ACOX1: variants seen among roughly 807,000 people sequenced by gnomAD.
ACOX1 encodes the protein acyl-CoA oxidase 1, also known as peroxisomal acyl-coenzyme A oxidase 1.
ACOX1 carries 41 observed loss-of-function variants against 75.5 expected under a neutral mutation model. The observed-to-expected ratio is 0.54, with a 90% CI of 0.42 to 0.70. ACOX1 has a LOEUF of 0.70. Ranked by LOEUF, ACOX1 falls within the 30% of genes least tolerant of loss-of-function variation. The pLI is 0.00. For missense variants in ACOX1, 630 were observed against 837.5 expected, an observed-to-expected ratio of 0.75 and a Z score of 3.06; for synonymous variants, 303 against 298.8, an observed-to-expected ratio of 1.01 and a Z score of -0.15.
intron 2 of ACOX1, among the ~76,000 whole-genome samples, chr17:75,976,597 G>A (rs2066052421): frequency 2.6e-5 from 4 of 152,196 alleles, no homozygotes; most frequent in South Asian, 2.1e-4. Flanking sequence ...CCATTTGGAA[G>A]TATGCTGATT....
rs948553670 is a variant in ACOX1, at chr17:75,968,630, A to G, written c.270-8255T>C. ...GAAAAAAAAAAAAAAAAAAAGAAATATATTAAAGTAGGCCATGTGCAGTGG... is the reference window on the plus strand; with the variant it reads ...GAAAAAAAAAAAAAAAAAAAGAAATGTATTAAAGTAGGCCATGTGCAGTGG... On this transcript the variant is annotated intron_variant, in intron 2 of 13. Transcript: ENST00000293217. Among the ~76,000 whole-genome samples, 4 of 142,806 alleles carry G rather than the reference A, an allele frequency of 2.8e-5. No individual in the cohort carries two copies. In the South Asian group the frequency reaches 8.8e-4, roughly 31 times the overall value. 93.7% of individuals were successfully genotyped at this position (142,806 alleles called of 152,430 possible).
In ACOX1 at chr17:75,950,499, C is replaced by T. The variant is rs1456400641; in HGVS notation, c.1298+275G>A. Among the ~76,000 whole-genome samples the T allele has an allele frequency of 6.6e-6, 1 of 152,070 alleles. No individual in the cohort carries two copies. The highest frequency in any genetic ancestry group is 1.5e-5 in the Non-Finnish European group (1 of 68,030). ...ACTCCTTACCTCATGATCTGCCCAC[C>T]TCAGCTTCCCAAAGTGCTGGGATTA... On this transcript the variant is annotated intron_variant, in intron 9 of 13. Transcript: ENST00000293217. The surrounding 1 kb of genome is among the most constrained non-coding windows in gnomAD (Gnocchi z 4.3).
At chr17:75,969,801 C>G (rs897935454) in intron 2 of ACOX1, among the ~76,000 whole-genome samples, 1 of 151,692 alleles carries the variant, frequency 6.6e-6, no homozygotes, top group Non-Finnish European at 1.5e-5. Context: ...GATGGTAATA[C>G]GAAACAAGGC....
chr17:75,949,276 T>A lies in ACOX1; in HGVS notation c.1669A>T (p.Ser557Cys). ...QDKAIQAVLR[S>C]LCLLYSLYGI... ...TACAGAGAATACAGCAGACATAAAC[T>A]CCTTAAGACAGCTTGAATGGCTTTA... The change falls in exon 12 of 14, where the codon AGT (serine) becomes TGT (cysteine). Residue 557 changes from serine to cysteine, a missense_variant. Ser to Cys is a moderately radical substitution (Grantham distance 112). Around this residue, in one of 2 missense-constraint regions of ACOX1, gnomAD observed 240 missense variants for 262.7 expected, o/e 0.91. Coordinates refer to ENST00000293217, the MANE Select transcript of ACOX1 (RefSeq NM_004035.7). 6.2e-7 allele frequency: 1 copy of A among 1,614,202 alleles called. No individual in the cohort carries two copies.
At chr17:75,964,385 T>C (rs56380545) in intron 2 of ACOX1, among the ~76,000 whole-genome samples, 26,632 of 151,952 alleles carry the variant, frequency 0.18, 2,757 homozygotes, top group African/African-American at 0.3. Flanking sequence ...TTCATGCTTT[T>C]ATGGAAGGTT....
intron 7 of ACOX1, 149 bp downstream of exon 7, chr17:75,953,302 C>G: frequency 1.2e-6 from 1 of 810,150 alleles, no homozygotes; most frequent in Non-Finnish European, 2.0e-6. Context: ...GAAAAGGAAG[C>G]CTAGATATGA....
In ACOX1 at chr17:75,969,624, G is replaced by A. The variant is rs569661279; in HGVS notation, c.269+8910C>T. On this transcript the variant is annotated intron_variant, in intron 2 of 13. Coordinates refer to ENST00000293217, the MANE Select transcript of ACOX1 (RefSeq NM_004035.7). ...GTTAAGCCTAGGGAGAGAGGGCAAC[G>A]GAGTGCGGTAAAGACTGATGACTTA... 1.6e-4 allele frequency among the ~76,000 whole-genome samples: 24 copies of A among 152,244 alleles called. No individual in the cohort carries two copies. The South Asian group carries it at 2.3e-3, about 14-fold the overall frequency.
intron 4 of ACOX1, among the ~76,000 whole-genome samples, chr17:75,957,110 A>G (rs1452148034): frequency 6.9e-6 from 1 of 145,842 alleles, no homozygotes; most frequent in African/African-American, 2.6e-5. Context: ...TTTTGAGACA[A>G]AGTCTTGCTG....
intron 2 of ACOX1, among the ~76,000 whole-genome samples, chr17:75,972,112 G>T (rs1431263634): frequency 6.6e-6 from 1 of 152,056 alleles, no homozygotes; most frequent in African/African-American, 2.4e-5. Context: ...GGCAGATCAC[G>T]AGGTCAGGAG....
In ACOX1 at chr17:75,949,523, G is replaced by A. The variant is rs758791373; in HGVS notation, c.1556C>T (p.Thr519Ile). 1 of 1,614,108 alleles carries A rather than the reference G, an allele frequency of 6.2e-7. No homozygotes were observed. Among genetic ancestry groups the A allele is most frequent in the Non-Finnish European group, 8.5e-7 (1 of 1,180,044 alleles). Residue 519 changes from threonine to isoleucine, a missense_variant, in exon 11 of 14, where the codon ACT (threonine) becomes ATT (isoleucine). By Grantham distance (89) the Thr-to-Ile change is moderately conservative. Around this residue, in one of 2 missense-constraint regions of ACOX1, gnomAD observed 240 missense variants for 262.7 expected, o/e 0.91. Transcript: ENST00000293217. ...RKSKEVAWNL[T>I]SVDLVRASEA... ...ACTTGCTCGAACAAGGTCAACAGAAGTTAGGTTCCAAGCTACCTCCTTGCT... is the reference window on the plus strand; with the variant it reads ...ACTTGCTCGAACAAGGTCAACAGAAATTAGGTTCCAAGCTACCTCCTTGCT...
chr17:75,947,526 T>C (rs930063028), intron 13 of ACOX1, among the ~76,000 whole-genome samples: 7 of 152,124 alleles, frequency 4.6e-5, no homozygotes, highest in African/African-American at 1.7e-4. Context: ...TCACTGAGCC[T>C]GGCCCTGATG....
rs1315244615 is a variant in ACOX1, at chr17:75,950,821, G to A, written c.1251C>T (p.Ser417=). 3.7e-6 allele frequency: 6 copies of A among 1,614,026 alleles called. No homozygotes were observed. In the Admixed American group the frequency reaches 8.3e-5, roughly 22 times the overall value. ...LPNIYVNFTP[S]CTFEGENTVM... Reference sequence around the variant, plus strand: ...CAGTGTTTTCTCCCTCAAAGGTACAGCTTGGGGTGAAATTGACATAAATAT... The same window carrying A: ...CAGTGTTTTCTCCCTCAAAGGTACAACTTGGGGTGAAATTGACATAAATAT... The change falls in exon 9 of 14, where the codon AGC becomes AGT. Residue 417 remains serine (S), a synonymous_variant. Coordinates refer to ENST00000293217, the MANE Select transcript of ACOX1 (RefSeq NM_004035.7). This position sits in a 1 kb window ranked among gnomAD's most constrained non-coding sequence, Gnocchi z 4.3.
chr17:75,951,728 A>C (rs2065775911), intron 7 of ACOX1, 151 bp from the exon 8 acceptor site: 2 of 737,504 alleles, frequency 2.7e-6, no homozygotes, highest in Non-Finnish European at 4.4e-6. Flanking sequence ...TCTCCATTTT[A>C]CAAATGGGAA....
intron 2 of ACOX1, among the ~76,000 whole-genome samples, chr17:75,972,488 A>T (rs1158606307): frequency 6.8e-6 from 1 of 146,924 alleles, no homozygotes; most frequent in Non-Finnish European, 1.5e-5. Flanking sequence ...CTCTACTAAA[A>T]ATACAAAATC....
At chr17:75,948,140 T>G in intron 13 of ACOX1, 111 bp downstream of exon 13, 1 of 1,057,282 alleles carries the variant, frequency 9.5e-7, no homozygotes, top group Non-Finnish European at 1.4e-6. Flanking sequence ...CTGTCAGAAG[T>G]GGCCATGGTA....
At chr17:75,970,039 G>A (rs1167818725) in intron 2 of ACOX1, among the ~76,000 whole-genome samples, 1 of 151,780 alleles carries the variant, frequency 6.6e-6, no homozygotes, top group African/African-American at 2.4e-5. Context: ...ATAAATATTA[G>A]CCAGGTATGG....
At chr17:75,975,036 C>A (rs71382190) in intron 2 of ACOX1, among the ~76,000 whole-genome samples, 1 of 106,612 alleles carries the variant, frequency 9.4e-6, no homozygotes, top group Non-Finnish European at 1.7e-5. Flanking sequence ...GGCGACAGAG[C>A]GAGACTCTGT....
intron 2 of ACOX1, among the ~76,000 whole-genome samples, chr17:75,973,952 C>G (rs527811708): frequency 6.6e-6 from 1 of 152,310 alleles, no homozygotes; most frequent in South Asian, 2.1e-4. Context: ...AAAAAGCCAG[C>G]AGCAGAACCT....
rs1457364397 is a variant in ACOX1 at position 75,950,895 on chromosome 17, G to A, written c.1177C>T (p.Arg393Trp). 17 of 1,614,018 alleles carry A rather than the reference G, an allele frequency of 1.1e-5. No homozygotes were observed. The highest frequency in any genetic ancestry group is 1.4e-5 in the Non-Finnish European group (16 of 1,180,040). The change falls in exon 9 of 14, where the codon CGG becomes TGG. Residue 393 changes from arginine (R) to tryptophan (W), a missense_variant. Physicochemically the swap from Arg to Trp is moderately radical, Grantham distance 101 (BLOSUM62 -3). Coordinates refer to ENST00000293217, the MANE Select transcript of ACOX1 (RefSeq NM_004035.7). This position sits in a 1 kb window ranked among gnomAD's most constrained non-coding sequence, Gnocchi z 4.3. ...TAGCCATGCCCACCACAAGCCATCC[G>A]ACATGCTTCAATGCCAGTGTTTGCA... The part of the protein sequence containing the change: ...WTANTGIEAC[R>W]MACGGHGYSH...
Sources: gnomAD v4.1 joint callset for allele counts (sites outside exome capture counted in the v4.1 genomes callset) on GRCh38, gnomAD v4.1.1 for gene constraint, gnomAD v4.1.1 regional missense constraint, Gnocchi (gnomAD v3.1) non-coding constraint, MANE v1.5 for transcripts, NCBI Gene and HGNC (gene_info 2026-07-23, HGNC 2026-07-21) for gene names.